Variants in SLC25A40 observed in about 807,000 individuals in gnomAD.
SLC25A40 encodes the protein mitochondrial glutathione transporter SLC25A40.
SLC25A40 carries 41 observed loss-of-function variants against 46.5 expected under a neutral mutation model. That is an observed-to-expected ratio of 0.88 (90% CI 0.69 to 1.14). The LOEUF (loss-of-function observed/expected upper bound fraction) is 1.14, where lower values mean the gene tolerates loss of function less well. Among genes scored for constraint, SLC25A40 ranks in the 50% most tolerant of loss-of-function variants. SLC25A40 has a pLI of 0.00. For synonymous variants in SLC25A40, 126 were observed against 127.5 expected (o/e 0.99, Z 0.08); for missense variants, 386 against 393.6 (o/e 0.98, Z 0.16).
intron 7 of SLC25A40, 82 bp downstream of exon 7, chr7:87,847,771 T>C: frequency 7.4e-7 from 1 of 1,356,778 alleles, no homozygotes; most frequent in Non-Finnish European, 1.0e-6. Flanking sequence ...CTCTATATAT[T>C]ATACAAATTA....
At chr7:87,862,767 G>A (rs1838727218) in intron 1 of SLC25A40, among the ~76,000 whole-genome samples, 1 of 152,140 alleles carries the variant, frequency 6.6e-6, no homozygotes, top group Admixed American at 6.5e-5. Context: ...CACATGCCTG[G>A]GGAGGCCTCA....
At chr7:87,848,050 A>T (rs1224042060) in intron 6 of SLC25A40, 73 bp from the exon 7 acceptor site, 1 of 1,480,614 alleles carries the variant, frequency 6.8e-7, no homozygotes, top group Non-Finnish European at 9.0e-7. Context: ...AAATTCAAAT[A>T]TTATTATATA....
At chr7:87,854,672 C>T (rs1030467663) in intron 4 of SLC25A40, among the ~76,000 whole-genome samples, 2 of 151,546 alleles carry the variant, frequency 1.3e-5, no homozygotes, top group African/African-American at 2.4e-5. Flanking sequence ...ATTAGCTGGG[C>T]GTGGTGGCGG....
intron 4 of SLC25A40, 104 bp downstream of exon 4, chr7:87,856,188 G>A: frequency 1.0e-6 from 1 of 990,242 alleles, no homozygotes; most frequent in Non-Finnish European, 1.5e-6. Flanking sequence ...GGATAAAGAG[G>A]CATCAATTTT....
Position 87,847,138 on chromosome 7 carries a change from T to A in SLC25A40, c.458-16A>T. 1.9e-6 allele frequency: 3 copies of A among 1,550,124 alleles called. No homozygotes were observed. Among genetic ancestry groups the A allele is most frequent in the Admixed American group, 2.0e-5 (1 of 49,948 alleles). On this transcript the variant is annotated splice_polypyrimidine_tract_variant and intron_variant, in intron 7 of 11. Transcript: ENST00000341119. Reference sequence around the variant, plus strand: ...ACTGCACCAACTAATACAAACAAGTTAAAAAAAAGAAAACAAAAATAAAGC... The same window carrying A: ...ACTGCACCAACTAATACAAACAAGTAAAAAAAAAGAAAACAAAAATAAAGC...
intron 1 of SLC25A40, among the ~76,000 whole-genome samples, chr7:87,873,384 TTATCTTCATTTATAGATAAGTA>T (rs1237392844): frequency 6.6e-6 from 1 of 152,002 alleles, no homozygotes; most frequent in Non-Finnish European, 1.5e-5. Context: ...CTGAACAATA[TTATCTTCATTTATAGATAAGTA>T]AATTCTAGCA....
At position 87,834,304 on chromosome 7, in the gene SLC25A40, T is replaced by C. The variant is rs761708716; in HGVS notation, c.*1945A>G. On this transcript the variant is annotated 3_prime_UTR_variant, in exon 12 of 12. Coordinates refer to ENST00000341119, the MANE Select transcript of SLC25A40 (RefSeq NM_018843.4). ...AAATTTTAAAATTTTACCTATTCCATAGACTGAATTTTTCTAGGTACTATT... is the reference window on the plus strand; with the variant it reads ...AAATTTTAAAATTTTACCTATTCCACAGACTGAATTTTTCTAGGTACTATT... The C allele has an allele frequency of 5.3e-5, 8 of 151,812 alleles. No individual in the cohort carries two copies. The highest frequency in any genetic ancestry group is 2.1e-4 in the South Asian group (1 of 4,830). 9.4% of individuals were successfully genotyped at this position (151,812 alleles called of 1,614,324 possible). A position where few individuals can be genotyped will look rare whatever the true frequency, so the allele number is the denominator to read the frequency against.
chr7:87,851,303 A>C (rs573116462), intron 5 of SLC25A40, among the ~76,000 whole-genome samples: 121 of 152,344 alleles, frequency 7.9e-4, no homozygotes, highest in African/African-American at 2.7e-3. Flanking sequence ...ACACTATGCT[A>C]AGTAAAAGAC....
At chr7:87,872,567 A>C (rs1286069192) in intron 1 of SLC25A40, among the ~76,000 whole-genome samples, 1 of 152,180 alleles carries the variant, frequency 6.6e-6, no homozygotes, top group Non-Finnish European at 1.5e-5. Flanking sequence ...TTTTCAATGA[A>C]AGGGAAATTC....
chr7:87,871,155 G>C (rs1838890172), intron 1 of SLC25A40, among the ~76,000 whole-genome samples: 1 of 152,200 alleles, frequency 6.6e-6, no homozygotes, highest in Non-Finnish European at 1.5e-5. Flanking sequence ...CGAGTGAGTA[G>C]AGTTTGCCCC....
At chr7:87,848,045 C>A (rs1584326453) in intron 6 of SLC25A40, 68 bp from the exon 7 acceptor site, 4 of 1,503,030 alleles carry the variant, frequency 2.7e-6, no homozygotes, top group South Asian at 2.7e-5. Context: ...AACTTAAATT[C>A]AAATATTATT....
intron 1 of SLC25A40, among the ~76,000 whole-genome samples, chr7:87,865,455 ACAC>A (rs1249451110): frequency 1.3e-5 from 2 of 152,186 alleles, no homozygotes; most frequent in African/African-American, 2.4e-5. Context: ...AGTGAATTGC[ACAC>A]CACAATTACA....
chr7:87,875,664 T>A (rs1057284868), intron 1 of SLC25A40, among the ~76,000 whole-genome samples: 1 of 152,222 alleles, frequency 6.6e-6, no homozygotes. Context: ...GATGTTACTT[T>A]CCACTCCTTC....
Position 87,849,868 on chromosome 7 carries a change from A to G in SLC25A40, c.332+13T>C. On this transcript the variant is annotated intron_variant, in intron 6 of 11. Transcript: ENST00000341119. ...TCATTATTTAGTAGAAAAAACATTA[A>G]ATTTCAACTTACAGGGTAGGAGGAA... 3 of 1,551,108 alleles carry G rather than the reference A, an allele frequency of 1.9e-6. No homozygotes were observed. Among genetic ancestry groups the G allele is most frequent in the Non-Finnish European group, 2.6e-6 (3 of 1,144,192 alleles).
At chr7:87,841,565 T>A in intron 10 of SLC25A40, 68 bp downstream of exon 10, 1 of 828,040 alleles carries the variant, frequency 1.2e-6, no homozygotes, top group Admixed American at 3.6e-5. Context: ...ATTTTAGATA[T>A]CCCTACAATA....
chr7:87,872,825 G>C (rs894008873), intron 1 of SLC25A40, among the ~76,000 whole-genome samples: 3 of 152,136 alleles, frequency 2.0e-5, no homozygotes, highest in African/African-American at 7.2e-5. Flanking sequence ...AGCTGGGCAT[G>C]GTGGCAGGCG....
chr7:87,869,421 G>A (rs1461519006), intron 1 of SLC25A40, among the ~76,000 whole-genome samples: 1 of 151,912 alleles, frequency 6.6e-6, no homozygotes, highest in Non-Finnish European at 1.5e-5. Context: ...CCAGCTACAT[G>A]GGGGTGCTGA....
chr7:87,869,858 G>A (rs1019455741), intron 1 of SLC25A40, among the ~76,000 whole-genome samples: 6 of 152,116 alleles, frequency 3.9e-5, no homozygotes, highest in Non-Finnish European at 8.8e-5. Flanking sequence ...TATGTTTAAC[G>A]TTTAAAGAAA....
At chr7:87,843,932 G>A in intron 8 of SLC25A40, 69 bp from the exon 9 acceptor site, 3 of 1,430,412 alleles carry the variant, frequency 2.1e-6, no homozygotes, top group Non-Finnish European at 1.9e-6. Context: ...AAAGAGTTAT[G>A]AGGTTATATA....
Sources: allele counts gnomAD v4.1 joint callset (sites outside exome capture counted in the v4.1 genomes callset), GRCh38; gene constraint gnomAD v4.1.1; transcripts MANE v1.5; gene names NCBI Gene and HGNC (gene_info 2026-07-23, HGNC 2026-07-21).